Variants in DNAJC6 observed in about 807,000 individuals in gnomAD.
The protein encoded by DNAJC6 is auxilin.
A neutral mutation model predicts 110.0 loss-of-function variants in DNAJC6; 34 were observed. The ratio of observed to expected loss-of-function variants is 0.31; its 90% CI spans 0.24 to 0.41. DNAJC6 has a LOEUF of 0.41. DNAJC6 is among the 10% of genes least tolerant of loss of function. The pLI is 1.00. For missense variants in DNAJC6, 1,031 were observed against 1,207.8 expected (o/e 0.85, Z 2.17); for synonymous variants, 406 against 437.2 (o/e 0.93, Z 0.89).
intron 4 of DNAJC6, among the ~76,000 whole-genome samples, chr1:65,371,836 G>A (rs1030211610): frequency 6.6e-6 from 1 of 152,218 alleles, no homozygotes; most frequent in Non-Finnish European, 1.5e-5. Flanking sequence ...GTCAGCTACT[G>A]CATGAAGCTG....
At chr1:65,404,545 A>G (rs1646057664) in intron 15 of DNAJC6, among the ~76,000 whole-genome samples, 1 of 152,204 alleles carries the variant, frequency 6.6e-6, no homozygotes, top group Admixed American at 6.5e-5. Flanking sequence ...GAATTAGTGT[A>G]TATATGTATG....
intron 1 of DNAJC6, among the ~76,000 whole-genome samples, chr1:65,343,843 C>G (rs1275358709): frequency 6.6e-6 from 1 of 152,082 alleles, no homozygotes; most frequent in Admixed American, 6.6e-5. Context: ...GGAATTCACG[C>G]TAGTTGTGCC....
At position 65,386,627 on chromosome 1, in the gene DNAJC6, A is replaced by G. The variant is rs11208643; in HGVS notation, c.996-185A>G. 0.4 allele frequency among the ~76,000 whole-genome samples: 61,126 copies of G among 152,036 alleles called. 13,108 individuals carry two copies. The highest frequency in any genetic ancestry group is 0.54 in the Middle Eastern group (158 of 292). Reference sequence around the variant, plus strand: ...GGGGGCCTGGCATTAGACCAGCACCATCCTACTGCACAACCAGTTGGCACT... The same window carrying G: ...GGGGGCCTGGCATTAGACCAGCACCGTCCTACTGCACAACCAGTTGGCACT... On this transcript the variant is annotated intron_variant, in intron 7 of 18. Coordinates refer to ENST00000371069, the MANE Select transcript of DNAJC6 (RefSeq NM_001256864.2).
upstream of DNAJC6, among the ~76,000 whole-genome samples, chr1:65,307,632 G>A (rs1278263156): frequency 2.0e-5 from 3 of 152,056 alleles, no homozygotes; most frequent in East Asian, 5.8e-4. Flanking sequence ...GGCACATGAT[G>A]AACACTAGGT....
chr1:65,348,232 T>C (rs996013209), intron 1 of DNAJC6, among the ~76,000 whole-genome samples: 1 of 152,226 alleles, frequency 6.6e-6, no homozygotes, highest in Non-Finnish European at 1.5e-5. Context: ...TTGAAATTTG[T>C]CGATAATTAT....
chr1:65,285,289 G>A (rs2101203293), intron 1 of DNAJC6, among the ~76,000 whole-genome samples: 1 of 152,272 alleles, frequency 6.6e-6, no homozygotes, highest in South Asian at 2.1e-4. Context: ...TGTGGCCCCT[G>A]AAATGCCTGG....
At chr1:65,348,623 A>T (rs1447433352) in intron 1 of DNAJC6, among the ~76,000 whole-genome samples, 1 of 151,898 alleles carries the variant, frequency 6.6e-6, no homozygotes, top group Non-Finnish European at 1.5e-5. Flanking sequence ...ATATTTTCTC[A>T]TCCTTTGCTA....
At chr1:65,361,296 A>G (rs1232677586) in intron 1 of DNAJC6, among the ~76,000 whole-genome samples, 1 of 152,224 alleles carries the variant, frequency 6.6e-6, no homozygotes, top group Non-Finnish European at 1.5e-5. Flanking sequence ...ATGTCCATTC[A>G]TTGTTTGTTT....
chr1:65,347,725 A>G (rs1342171345), intron 1 of DNAJC6, among the ~76,000 whole-genome samples: 1 of 152,000 alleles, frequency 6.6e-6, no homozygotes, highest in African/African-American at 2.4e-5. Context: ...TCACACACAC[A>G]TGCATGTGCA....
intron 1 of DNAJC6, among the ~76,000 whole-genome samples, chr1:65,316,607 T>C (rs4147109): frequency 0.73 from 111,713 of 152,098 alleles, 41,057 homozygotes; most frequent in East Asian, 0.83. Context: ...AAAGCATGAA[T>C]GGATTTTGAA....
At chr1:65,350,052 C>T (rs545291641) in intron 1 of DNAJC6, among the ~76,000 whole-genome samples, 22 of 152,194 alleles carry the variant, frequency 1.4e-4, no homozygotes, top group Non-Finnish European at 2.6e-4. Flanking sequence ...TGCTAAGTGC[C>T]GAGGTTGAGA....
At chr1:65,299,318 G>A (rs1179768823) in intron 1 of DNAJC6, among the ~76,000 whole-genome samples, 1 of 152,120 alleles carries the variant, frequency 6.6e-6, no homozygotes, top group African/African-American at 2.4e-5. Flanking sequence ...ACCTTTAATG[G>A]CTTAAAATAT....
chr1:65,392,369 A>AT, intron 11 of DNAJC6, 62 bp from the exon 12 acceptor site: 1 of 1,436,242 alleles, frequency 7.0e-7, no homozygotes, highest in Non-Finnish European at 9.3e-7. Context: ...CATATATTAT[A>AT]ACAAAAACCA....
intron 16 of DNAJC6, among the ~76,000 whole-genome samples, chr1:65,407,213 A>G (rs75338442): frequency 5.6e-4 from 85 of 152,210 alleles, no homozygotes; most frequent in African/African-American, 1.9e-3. Flanking sequence ...TGTATTCTCT[A>G]CCCACCCATT....
At chr1:65,284,347 G>C (rs1020138138) in intron 1 of DNAJC6, among the ~76,000 whole-genome samples, 2 of 152,190 alleles carry the variant, frequency 1.3e-5, no homozygotes, top group African/African-American at 4.8e-5. Context: ...AACTCCTCAT[G>C]TGTGCTTATG....
Position 65,340,099 on chromosome 1 carries a change from A to G in DNAJC6, c.194-24536A>G, listed in dbSNP as rs572897672. The stretch of plus-strand genomic sequence containing the variant: ...CATTTTATAGAAAGAGACTTTGTCC[A>G]GAGAAGGAAAGCCATATGTTTAAGG... On this transcript the variant is annotated intron_variant, in intron 1 of 18. Coordinates refer to ENST00000371069, the MANE Select transcript of DNAJC6 (RefSeq NM_001256864.2). Among the ~76,000 whole-genome samples, 5 of 152,348 alleles carry G rather than the reference A, an allele frequency of 3.3e-5. No individual in the cohort carries two copies. The South Asian group carries it at 6.2e-4, about 19-fold the overall frequency.
chr1:65,282,858 T>C (rs1336436637), intron 1 of DNAJC6, among the ~76,000 whole-genome samples: 1 of 152,196 alleles, frequency 6.6e-6, no homozygotes, highest in African/African-American at 2.4e-5. Flanking sequence ...AGGTCAGAGA[T>C]TGTGTCTTGT....
chr1:65,304,871 A>G (rs1645022873), upstream of DNAJC6, among the ~76,000 whole-genome samples: 1 of 152,304 alleles, frequency 6.6e-6, no homozygotes, highest in East Asian at 1.9e-4. Context: ...GAGCCTATAT[A>G]CCCTCTGTAA....
Position 65,415,485 on chromosome 1 carries a change from C to CACAT in DNAJC6, c.*2461_*2462insCATA, listed in dbSNP as rs770035911. 2.0e-5 allele frequency: 3 copies of CACAT among 151,534 alleles called. No homozygotes were observed. Among genetic ancestry groups the CACAT allele is most frequent in the African/African-American group, 7.3e-5 (3 of 41,146 alleles). The allele number at this position is 151,534 out of a possible 1,614,324, so 9.4% of individuals were successfully genotyped here. A position where few individuals can be genotyped will look rare whatever the true frequency, so the allele number is the denominator to read the frequency against. On this transcript the variant is annotated 3_prime_UTR_variant, in exon 19 of 19. Transcript: ENST00000371069. ...ACACACACACACACACACACACACA[C>CACAT]ATGCACGCACACATGATTTTGATTA...
Sources: gnomAD v4.1 joint callset for allele counts (sites outside exome capture counted in the v4.1 genomes callset) on GRCh38, gnomAD v4.1.1 for gene constraint, MANE v1.5 for transcripts, NCBI Gene and HGNC (gene_info 2026-07-23, HGNC 2026-07-21) for gene names.